Variants in IFT81 observed in about 807,000 individuals in gnomAD.
IFT81 encodes the protein intraflagellar transport 81.
Under a neutral mutation model 102.6 loss-of-function variants are expected in IFT81, and 72 were observed. The observed-to-expected ratio is 0.70, with a 90% CI of 0.58 to 0.85. The LOEUF (loss-of-function observed/expected upper bound fraction) is 0.85. Ranked by LOEUF, IFT81 falls within the 40% of genes least tolerant of loss-of-function variation. The pLI, the probability that IFT81 is intolerant of heterozygous loss-of-function variation, is 0.00. For synonymous variants in IFT81, 237 were observed against 242.7 expected, an observed-to-expected ratio of 0.98 and a Z score of 0.22; for missense variants, 723 against 787.3, an observed-to-expected ratio of 0.92 and a Z score of 0.98.
Position 110,147,000 on chromosome 12 carries a change from G to A in IFT81, c.993G>A (p.Met331Ile), listed in dbSNP as rs749787801. Residue 331 changes from methionine to isoleucine, a missense_variant, in exon 10 of 19, where the codon ATG becomes ATA. Physicochemically the swap from Met to Ile is conservative, Grantham distance 10. Coordinates refer to ENST00000242591, the MANE Select transcript of IFT81 (RefSeq NM_014055.4). ...TTAACCAGTTGATTGAAAAGAAAAT[G>A]ATGAGAAATGAGCCCATTGAAGGCA... The part of the protein sequence containing the change: ...TEINQLIEKK[M>I]MRNEPIEGKL... The A allele has an allele frequency of 1.2e-6, 2 of 1,610,808 alleles. No individual in the cohort carries two copies. The highest frequency in any genetic ancestry group is 1.7e-6 in the Non-Finnish European group (2 of 1,178,442).
chr12:110,199,606 G>A (rs1017790873), intron 14 of IFT81, among the ~76,000 whole-genome samples: 1 of 152,184 alleles, frequency 6.6e-6, no homozygotes, highest in Non-Finnish European at 1.5e-5. Context: ...AGCTACCTAA[G>A]TACGTAGGCT....
chr12:110,209,409 GA>G (rs986016862), intron 18 of IFT81, among the ~76,000 whole-genome samples, 193 bp downstream of exon 18: 16 of 151,972 alleles, frequency 1.1e-4, no homozygotes, highest in African/African-American at 3.6e-4. Context: ...ATGGATTTTT[GA>G]AAGAAAAAAT....
intron 17 of IFT81, 115 bp downstream of exon 17, chr12:110,205,795 ATTAT>A: frequency 1.7e-6 from 1 of 597,144 alleles, no homozygotes; most frequent in South Asian, 2.9e-5. Context: ...ACACTAAGAT[ATTAT>A]TTAATACTAA....
At chr12:110,179,602 G>T (rs1057267816) in intron 11 of IFT81, among the ~76,000 whole-genome samples, 1 of 150,112 alleles carries the variant, frequency 6.7e-6, no homozygotes, top group Non-Finnish European at 1.5e-5. Flanking sequence ...TGCACCTGTG[G>T]TCCTCCTACT....
intron 12 of IFT81, among the ~76,000 whole-genome samples, chr12:110,188,044 T>C (rs889098837): frequency 6.6e-5 from 10 of 152,042 alleles, no homozygotes; most frequent in Admixed American, 3.9e-4. Flanking sequence ...TAATAACCTA[T>C]CTGCTCGGCC....
At chr12:110,182,221 A>G (rs1341587085) in intron 12 of IFT81, among the ~76,000 whole-genome samples, 1 of 152,190 alleles carries the variant, frequency 6.6e-6, no homozygotes, top group East Asian at 1.9e-4. Context: ...AGTAGGATCT[A>G]CTTGTTTGTC....
chr12:110,140,763 G>T (rs575511244), intron 8 of IFT81, among the ~76,000 whole-genome samples: 45 of 152,210 alleles, frequency 3.0e-4, no homozygotes, highest in African/African-American at 1.1e-3. Flanking sequence ...CACTCCTGTT[G>T]CCCAGGCTGG....
intron 10 of IFT81, among the ~76,000 whole-genome samples, chr12:110,153,016 C>T (rs1395309877): frequency 6.6e-6 from 1 of 152,122 alleles, no homozygotes; most frequent in East Asian, 1.9e-4. Context: ...CTCATGAAGT[C>T]CAATTTGTCT....
At chr12:110,178,036 A>G (rs1897115720) in intron 11 of IFT81, among the ~76,000 whole-genome samples, 1 of 152,060 alleles carries the variant, frequency 6.6e-6, no homozygotes, top group African/African-American at 2.4e-5. Context: ...CAGAGGCTGC[A>G]GTGAGCCAAG....
chr12:110,127,584 G>A, intron 2 of IFT81, 60 bp downstream of exon 2: 1 of 1,467,364 alleles, frequency 6.8e-7, no homozygotes, highest in Non-Finnish European at 9.1e-7. Context: ...CCTCTAAATA[G>A]CTGTGAGTCT....
intron 12 of IFT81, among the ~76,000 whole-genome samples, chr12:110,190,588 G>A: frequency 6.6e-6 from 1 of 151,976 alleles, no homozygotes; most frequent in East Asian, 1.9e-4. Flanking sequence ...ATAAATATTG[G>A]ATGAGTGAAC....
At chr12:110,183,684 A>G (rs777782530) in intron 12 of IFT81, among the ~76,000 whole-genome samples, 26 of 152,122 alleles carry the variant, frequency 1.7e-4, no homozygotes, top group Admixed American at 6.6e-4. Flanking sequence ...GCCTACTCCC[A>G]TAGGTTCAAA....
At chr12:110,215,204 G>T (rs979939380) in intron 18 of IFT81, among the ~76,000 whole-genome samples, 1 of 151,702 alleles carries the variant, frequency 6.6e-6, no homozygotes, top group African/African-American at 2.4e-5. Context: ...CTAGTATATT[G>T]ACCGTATGTT....
chr12:110,217,648 G>A lies in IFT81; in HGVS notation c.1849-396G>A, dbSNP rs967707559. On this transcript the variant is annotated intron_variant, in intron 18 of 18. Coordinates refer to ENST00000242591, the MANE Select transcript of IFT81 (RefSeq NM_014055.4). ...GTGATCTCGGCTCACTGCAAACTCC[G>A]CCTCCCAGGTTCAAGCGATTCTCCT... Among the ~76,000 whole-genome samples, 22 of 151,422 alleles carry A rather than the reference G, an allele frequency of 1.5e-4. No individual in the cohort carries two copies. In the Middle Eastern group the frequency reaches 0.01, roughly 70 times the overall value.
At chr12:110,217,706 C>T (rs750973175) in intron 18 of IFT81, among the ~76,000 whole-genome samples, 1 of 151,930 alleles carries the variant, frequency 6.6e-6, no homozygotes, top group African/African-American at 2.4e-5. Flanking sequence ...GGACTACAGG[C>T]GCGTGCCCCC....
intron 12 of IFT81, among the ~76,000 whole-genome samples, chr12:110,187,150 GC>G (rs2137535605): frequency 6.6e-6 from 1 of 152,068 alleles, no homozygotes; most frequent in East Asian, 1.9e-4. Context: ...TTTATAGATT[GC>G]AGTTATTTGT....
chr12:110,152,973 A>C (rs1895624268), intron 10 of IFT81, among the ~76,000 whole-genome samples: 1 of 152,156 alleles, frequency 6.6e-6, no homozygotes, highest in South Asian at 2.1e-4. Context: ...TACTCTGTTG[A>C]CAGTGTCTTT....
intron 1 of IFT81, among the ~76,000 whole-genome samples, chr12:110,126,668 T>C (rs898115458): frequency 6.6e-6 from 1 of 152,082 alleles, no homozygotes; most frequent in Non-Finnish European, 1.5e-5. Flanking sequence ...CCAAGAAGTT[T>C]GAGCTGTATT....
intron 18 of IFT81, among the ~76,000 whole-genome samples, chr12:110,215,436 C>CTCT (rs869063652): frequency 2.6e-4 from 31 of 117,700 alleles, no homozygotes; most frequent in South Asian, 1.1e-3. Context: ...TCTTTTTCTT[C>CTCT]TCTTCTTCTT....
Sources: allele counts gnomAD v4.1 joint callset (sites outside exome capture counted in the v4.1 genomes callset), GRCh38; gene constraint gnomAD v4.1.1; transcripts MANE v1.5; gene names NCBI Gene and HGNC (gene_info 2026-07-23, HGNC 2026-07-21).